DISP1: variants seen among roughly 807,000 people sequenced by gnomAD.
DISP1 encodes the protein dispatched RND transporter family member 1, also known as protein dispatched homolog 1.
A neutral mutation model predicts 37.3 loss-of-function variants in DISP1; 30 were observed. The ratio of observed to expected loss-of-function variants is 0.80; its 90% CI spans 0.60 to 1.09. The LOEUF (loss-of-function observed/expected upper bound fraction) is 1.09, where lower values mean the gene tolerates loss of function less well. DISP1 is among the 50% of genes least tolerant of loss of function. The probability of loss-of-function intolerance (pLI) is 0.00; values close to 1 mark genes in which losing one functional copy is unlikely to be tolerated. For missense variants in DISP1, 1,598 were observed against 1,879.5 expected (o/e 0.85, Z 2.77); for synonymous variants, 634 against 690.2 (o/e 0.92, Z 1.28).
intron 3 of DISP1, among the ~76,000 whole-genome samples, chr1:222,960,087 G>T (rs1323080175): frequency 6.6e-6 from 1 of 152,094 alleles, no homozygotes; most frequent in African/African-American, 2.4e-5. Flanking sequence ...AGTTAACAAG[G>T]ATATTCAGGA....
chr1:223,002,643 C>A lies in DISP1; in HGVS notation c.1246C>A (p.Arg416Ser). Residue 416 changes from arginine to serine, a missense_variant, in exon 9 of 9, where the codon CGC becomes AGC. Coordinates refer to ENST00000675850, the MANE Select transcript of DISP1 (RefSeq NM_001377229.1). ...KDQLKCTNVP[R>S]KCTKYNAVYQ... ...CCAGCTCAAGTGCACCAATGTGCCA[C>A]GCAAATGTACCAAGTACAATGCTGT... 2 of 1,614,162 alleles carry A rather than the reference C, an allele frequency of 1.2e-6. No homozygotes were observed. Among genetic ancestry groups the A allele is most frequent in the Non-Finnish European group, 1.7e-6 (2 of 1,180,038 alleles).
chr1:222,891,410 C>A (rs992113854), intron 1 of DISP1, among the ~76,000 whole-genome samples: 2 of 151,882 alleles, frequency 1.3e-5, no homozygotes, highest in Non-Finnish European at 2.9e-5. Context: ...TTCTATAGAT[C>A]AAGGGAAAGA....
intron 3 of DISP1, among the ~76,000 whole-genome samples, chr1:222,961,195 A>G (rs1338244271): frequency 1.3e-5 from 2 of 152,270 alleles, no homozygotes; most frequent in Non-Finnish European, 2.9e-5. Flanking sequence ...AATATCCCTG[A>G]TGAACATCAA....
At chr1:222,892,443 A>G (rs937499222) in intron 1 of DISP1, among the ~76,000 whole-genome samples, 1 of 152,220 alleles carries the variant, frequency 6.6e-6, no homozygotes, top group South Asian at 2.1e-4. Context: ...TATTTTGTAT[A>G]TGATTCCAGT....
intron 1 of DISP1, among the ~76,000 whole-genome samples, chr1:222,927,184 T>C (rs1443455051): frequency 6.6e-6 from 1 of 151,992 alleles, no homozygotes; most frequent in Non-Finnish European, 1.5e-5. Flanking sequence ...AATTTCTCCA[T>C]GTCCTTGACA....
Position 223,002,505 on chromosome 1 carries a change from A to C in DISP1, c.1108A>C (p.Ile370Leu). 1 of 1,614,180 alleles carries C rather than the reference A, an allele frequency of 6.2e-7. No homozygotes were observed. ...GAACAATAGATCGTCCTGTCAGAAAATAGTTGAGCGAGACGTTTCTCATAC... is the reference window on the plus strand; with the variant it reads ...GAACAATAGATCGTCCTGTCAGAAACTAGTTGAGCGAGACGTTTCTCATAC... ...ILNNRSSCQK[I>L]VERDVSHTLK... The change falls in exon 9 of 9, where the codon ATA becomes CTA. Residue 370 changes from isoleucine to leucine, a missense_variant. Transcript: ENST00000675850.
intron 1 of DISP1, among the ~76,000 whole-genome samples, chr1:222,839,342 C>T (rs1667450929): frequency 6.6e-6 from 1 of 152,182 alleles, no homozygotes; most frequent in Non-Finnish European, 1.5e-5. Context: ...CTACCGAAAC[C>T]ATCACCCCTG....
intron 2 of DISP1, among the ~76,000 whole-genome samples, chr1:222,934,133 T>C (rs1179170342): frequency 6.6e-6 from 1 of 152,078 alleles, no homozygotes; most frequent in Admixed American, 6.6e-5. Context: ...TTTACATCAG[T>C]AGCCTCTTGT....
intron 3 of DISP1, among the ~76,000 whole-genome samples, chr1:222,964,297 CAAAA>C (rs11434945): frequency 7.2e-6 from 1 of 139,012 alleles, no homozygotes. Context: ...GACTCTATCT[CAAAA>C]AAAAAAAAAA....
chr1:222,848,931 C>CA (rs1668072681), intron 1 of DISP1, among the ~76,000 whole-genome samples: 1 of 152,082 alleles, frequency 6.6e-6, no homozygotes, highest in African/African-American at 2.4e-5. Context: ...AACTATGTCC[C>CA]AAAGTGCTTG....
At chr1:222,908,417 T>G (rs1393949045) in intron 1 of DISP1, among the ~76,000 whole-genome samples, 1 of 152,156 alleles carries the variant, frequency 6.6e-6, no homozygotes, top group Non-Finnish European at 1.5e-5. Flanking sequence ...GTTGGATGAT[T>G]TTTTTTGAGA....
Position 223,004,172 on chromosome 1 carries a change from A to G in DISP1, c.2775A>G (p.Leu925=). 1 of 1,614,180 alleles carries G rather than the reference A, an allele frequency of 6.2e-7. No homozygotes were observed. The highest frequency in any genetic ancestry group is 2.2e-5 in the East Asian group (1 of 44,878). ...DINDTIRAVV[L]EFQSTYLFTL... ...ATGATACTATCAGGGCAGTGGTGTT[A>G]GAGTTCCAGAGTACCTACCTCTTCA... The change falls in exon 9 of 9, where the codon TTA becomes TTG. Residue 925 remains leucine, a synonymous_variant. Transcript: ENST00000675850. This position sits in a 1 kb window ranked among gnomAD's most constrained non-coding sequence, Gnocchi z 4.9.
intron 3 of DISP1, among the ~76,000 whole-genome samples, chr1:222,953,287 C>T (rs1047210044): frequency 6.6e-6 from 1 of 152,062 alleles, no homozygotes; most frequent in Non-Finnish European, 1.5e-5. Context: ...CATTTTTGTT[C>T]CTTTCACTTT....
chr1:222,853,633 C>T (rs1668392407), intron 1 of DISP1, among the ~76,000 whole-genome samples: 1 of 151,940 alleles, frequency 6.6e-6, no homozygotes, highest in Admixed American at 6.6e-5. Context: ...GTGAAATAAG[C>T]CAGGAACAGT....
chr1:222,820,673 CAGTT>C (rs1471317215), intron 1 of DISP1, among the ~76,000 whole-genome samples: 3 of 152,164 alleles, frequency 2.0e-5, no homozygotes, highest in Non-Finnish European at 4.4e-5. Flanking sequence ...AGCCTCAGCA[CAGTT>C]AGAAGAAACC....
At chr1:222,856,705 C>CTTTTT (rs1668566107) in intron 1 of DISP1, among the ~76,000 whole-genome samples, 1 of 136,336 alleles carries the variant, frequency 7.3e-6, no homozygotes, top group African/African-American at 2.7e-5. Flanking sequence ...TATTATAATT[C>CTTTTT]GTTTTTTTTT....
At chr1:223,000,205 A>G (rs1270469233) in intron 8 of DISP1, among the ~76,000 whole-genome samples, 4 of 152,104 alleles carry the variant, frequency 2.6e-5, no homozygotes, top group African/African-American at 9.7e-5. Flanking sequence ...ATTTTCTTCC[A>G]TTTGAAAACT....
In DISP1 at chr1:223,003,135, G is replaced by T. The variant is rs1225464925; in HGVS notation, c.1738G>T (p.Val580Phe). The change falls in exon 9 of 9, where the codon GTT (valine) becomes TTT (phenylalanine). Residue 580 changes from valine to phenylalanine, a missense_variant. Coordinates refer to ENST00000675850, the MANE Select transcript of DISP1 (RefSeq NM_001377229.1). The surrounding 1 kb of genome is among the most constrained non-coding windows in gnomAD (Gnocchi z 4.3). ...AGATGATGCTTTTGTCCTGTGTGATGTTTGGAACTACACAAAATTTGATAA... is the reference window on the plus strand; with the variant it reads ...AGATGATGCTTTTGTCCTGTGTGATTTTTGGAACTACACAAAATTTGATAA... ...GADDAFVLCD[V>F]WNYTKFDKPH... The T allele has an allele frequency of 6.2e-7, 1 of 1,614,186 alleles. No individual in the cohort carries two copies. The highest frequency in any genetic ancestry group is 8.5e-7 in the Non-Finnish European group (1 of 1,180,034).
chr1:222,870,151 G>A (rs1443595890), intron 1 of DISP1, among the ~76,000 whole-genome samples: 1 of 152,132 alleles, frequency 6.6e-6, no homozygotes, highest in Non-Finnish European at 1.5e-5. Flanking sequence ...AGTATTCCAT[G>A]GTGTATATGT....
Sources: allele counts gnomAD v4.1 joint callset (sites outside exome capture counted in the v4.1 genomes callset), GRCh38; gene constraint gnomAD v4.1.1; non-coding constraint Gnocchi (gnomAD v3.1); transcripts MANE v1.5; gene names NCBI Gene and HGNC (gene_info 2026-07-23, HGNC 2026-07-21).